The following SORCS1 variants were observed in gnomAD, a reference collection of about 807,000 sequenced individuals.
SORCS1 encodes sortilin related VPS10 domain containing receptor 1.
SORCS1 carries 60 observed loss-of-function variants against 146.1 expected under a neutral mutation model. The ratio of observed to expected loss-of-function variants is 0.41; its 90% CI spans 0.33 to 0.51. SORCS1 has a LOEUF of 0.51. SORCS1 is among the 20% of genes least tolerant of loss of function. The pLI is 0.21. For missense variants in SORCS1, 1,352 were observed against 1,487.6 expected, an observed-to-expected ratio of 0.91 and a Z score of 1.50; for synonymous variants, 637 against 584.0, an observed-to-expected ratio of 1.09 and a Z score of -1.31.
intron 1 of SORCS1, among the ~76,000 whole-genome samples, chr10:106,972,207 C>G (rs1039059127): frequency 7.9e-5 from 12 of 151,752 alleles, no homozygotes; most frequent in African/African-American, 2.9e-4. Context: ...TATGGTGAAA[C>G]CCTGTCTCTA....
chr10:106,692,064 GTC>G (rs1002222912), intron 9 of SORCS1, among the ~76,000 whole-genome samples: 4 of 151,684 alleles, frequency 2.6e-5, no homozygotes, highest in Non-Finnish European at 4.4e-5. Context: ...TTGAAACAGG[GTC>G]TCTCTCTCTC....
chr10:107,023,592 C>T (rs775090465), intron 1 of SORCS1, among the ~76,000 whole-genome samples: 12 of 151,862 alleles, frequency 7.9e-5, no homozygotes, highest in Admixed American at 2.6e-4. Context: ...AGATAGTACA[C>T]GATTACATAT....
intron 2 of SORCS1, among the ~76,000 whole-genome samples, chr10:106,878,622 A>ATG (rs1950686631): frequency 1.6e-4 from 5 of 30,854 alleles, no homozygotes; most frequent in Non-Finnish European, 4.5e-4. Flanking sequence ...ACTACCTAGT[A>ATG]TATATATATA....
chr10:107,021,173 G>A (rs924465538), intron 1 of SORCS1, among the ~76,000 whole-genome samples: 6 of 151,984 alleles, frequency 3.9e-5, no homozygotes, highest in African/African-American at 1.5e-4. Flanking sequence ...AGTTACACCT[G>A]GGAAGGAAGA....
intron 3 of SORCS1, among the ~76,000 whole-genome samples, chr10:106,806,276 G>A (rs1331594922): frequency 2.0e-5 from 3 of 150,812 alleles, no homozygotes; most frequent in South Asian, 2.1e-4. Flanking sequence ...GCTGAGGCAG[G>A]AGAATGGCTT....
intron 2 of SORCS1, among the ~76,000 whole-genome samples, chr10:106,888,059 C>A (rs1951072650): frequency 6.6e-6 from 1 of 152,172 alleles, no homozygotes. Context: ...ACAGTACTGG[C>A]TCCTCTCTGC....
At chr10:106,917,209 C>T (rs1187711557) in intron 2 of SORCS1, among the ~76,000 whole-genome samples, 1 of 152,116 alleles carries the variant, frequency 6.6e-6, no homozygotes, top group Admixed American at 6.6e-5. Flanking sequence ...ATATGATTAC[C>T]CCAATATACA....
At chr10:106,721,347 C>G (rs747722306) in intron 6 of SORCS1, among the ~76,000 whole-genome samples, 6 of 152,112 alleles carry the variant, frequency 3.9e-5, no homozygotes, top group Non-Finnish European at 7.4e-5. Context: ...AGTGTTGGAA[C>G]TTTGGCCAAA....
intron 1 of SORCS1, among the ~76,000 whole-genome samples, chr10:107,087,959 C>T (rs1963883424): frequency 6.6e-6 from 1 of 152,208 alleles, no homozygotes; most frequent in Admixed American, 6.5e-5. Context: ...CGCTCTGTCA[C>T]CCAGGCTGCA....
At chr10:107,179,632 T>C in the SORCS1 span, among the ~76,000 whole-genome samples, 3 of 152,180 alleles carry the variant, frequency 2.0e-5, no homozygotes, top group Non-Finnish European at 2.9e-5. Context: ...AAAATAGGTG[T>C]ATAGTGACCT....
intron 3 of SORCS1, among the ~76,000 whole-genome samples, chr10:106,792,339 T>A (rs1329698063): frequency 6.6e-6 from 1 of 152,242 alleles, no homozygotes; most frequent in Non-Finnish European, 1.5e-5. Flanking sequence ...GTTATCCTTT[T>A]ATAAATTCTA....
At chr10:106,840,869 T>A (rs566126982) in intron 2 of SORCS1, among the ~76,000 whole-genome samples, 29 of 144,904 alleles carry the variant, frequency 2.0e-4, no homozygotes, top group Admixed American at 3.4e-4. Context: ...ATATATTTTT[T>A]TTTTTTGGAT....
At chr10:106,591,525 A>G (rs1386450657) in intron 24 of SORCS1, among the ~76,000 whole-genome samples, 2 of 152,242 alleles carry the variant, frequency 1.3e-5, no homozygotes, top group Admixed American at 6.5e-5. Context: ...GATTTTGAAT[A>G]TATCTCTGCA....
chr10:107,135,851 T>C (rs1472746248), intron 1 of SORCS1, among the ~76,000 whole-genome samples: 1 of 152,158 alleles, frequency 6.6e-6, no homozygotes, highest in African/African-American at 2.4e-5. Flanking sequence ...CACATGTCCT[T>C]TCATAAAATA....
chr10:107,029,298 T>C (rs926080930), intron 1 of SORCS1, among the ~76,000 whole-genome samples: 1 of 152,216 alleles, frequency 6.6e-6, no homozygotes, highest in African/African-American at 2.4e-5. Context: ...ATTTGCATGA[T>C]GGCCAATATT....
chr10:106,878,230 G>C (rs1336309034), intron 2 of SORCS1, among the ~76,000 whole-genome samples: 2 of 150,950 alleles, frequency 1.3e-5, no homozygotes, highest in Admixed American at 1.3e-4. Flanking sequence ...TTCTCAGCTG[G>C]GGTACCACTG....
At chr10:106,689,675 C>A (rs1407219066) in intron 9 of SORCS1, among the ~76,000 whole-genome samples, 1 of 152,180 alleles carries the variant, frequency 6.6e-6, no homozygotes, top group African/African-American at 2.4e-5. Flanking sequence ...CACTACAAAC[C>A]TGCACCTGCA....
chr10:107,095,976 T>C lies in SORCS1; in HGVS notation c.558+67993A>G, dbSNP rs140342584. ...CATTAAAAAAAAACAAGAATAAAGA[T>C]ACACTTTACAACTTATCCAGGATTT... On this transcript the variant is annotated intron_variant, in intron 1 of 25. Coordinates refer to ENST00000263054, the MANE Select transcript of SORCS1 (RefSeq NM_052918.5). Among the ~76,000 whole-genome samples, 66 of 152,232 alleles carry C rather than the reference T, an allele frequency of 4.3e-4. 3 individuals are homozygous for C. Among genetic ancestry groups the C allele is most frequent in the African/African-American group, 1.4e-3 (59 of 41,542 alleles).
At chr10:106,739,711 G>T (rs1369167997) in intron 5 of SORCS1, among the ~76,000 whole-genome samples, 1 of 151,930 alleles carries the variant, frequency 6.6e-6, no homozygotes, top group Non-Finnish European at 1.5e-5. Context: ...CAGCACTTTG[G>T]GAGGCCGAGT....
Sources: allele counts gnomAD v4.1 joint callset (sites outside exome capture counted in the v4.1 genomes callset), GRCh38; gene constraint gnomAD v4.1.1; transcripts MANE v1.5; gene names NCBI Gene and HGNC (gene_info 2026-07-23, HGNC 2026-07-21).